The following CNTN3 variants were observed in gnomAD, a reference collection of about 807,000 sequenced individuals.
CNTN3 encodes the protein contactin 3.
CNTN3 carries 60 observed loss-of-function variants against 119.1 expected under a neutral mutation model. The observed-to-expected ratio is 0.50, with a 90% CI of 0.41 to 0.62. The LOEUF is 0.62. Among genes scored for constraint, CNTN3 ranks in the 20% least tolerant of loss-of-function variants. The probability of loss-of-function intolerance (pLI) is 0.00; values close to 1 mark genes in which losing one functional copy is unlikely to be tolerated. For synonymous variants in CNTN3, 450 were observed against 438.7 expected (o/e 1.03, Z -0.32); for missense variants, 1,101 against 1,242.4 (o/e 0.89, Z 1.71).
chr3:74,350,113 C>G (rs1703780135), intron 11 of CNTN3, among the ~76,000 whole-genome samples: 1 of 152,126 alleles, frequency 6.6e-6, no homozygotes, highest in Non-Finnish European at 1.5e-5. Context: ...GACCATGTGT[C>G]AGCAATCTGT....
chr3:74,391,311 T>TG (rs1704894417), intron 5 of CNTN3, among the ~76,000 whole-genome samples: 1 of 152,166 alleles, frequency 6.6e-6, no homozygotes, highest in South Asian at 2.1e-4. Flanking sequence ...TTTACTATGC[T>TG]GGGGGACAGT....
intron 3 of CNTN3, among the ~76,000 whole-genome samples, chr3:74,488,506 T>C (rs1006140854): frequency 2.0e-5 from 3 of 152,128 alleles, no homozygotes; most frequent in Non-Finnish European, 2.9e-5. Flanking sequence ...AAGAAGTAAT[T>C]ATATGGATGT....
chr3:74,398,861 G>A (rs1345374645), intron 5 of CNTN3, among the ~76,000 whole-genome samples: 1 of 152,048 alleles, frequency 6.6e-6, no homozygotes, highest in Non-Finnish European at 1.5e-5. Flanking sequence ...TTATCACGTG[G>A]TTAATTTTTT....
chr3:74,437,401 G>C lies in CNTN3; in HGVS notation c.359-12461C>G, dbSNP rs561858993. 5.2e-4 allele frequency among the ~76,000 whole-genome samples: 79 copies of C among 152,196 alleles called. 1 individual carries two copies. Among genetic ancestry groups the C allele is most frequent in the African/African-American group, 1.6e-3 (65 of 41,526 alleles). ...GGCGTGAATCCGGGAGGCAGAGCTT[G>C]CAGTGAGCCGAGATCGCACCACTGC... On this transcript the variant is annotated intron_variant, in intron 4 of 22. Coordinates refer to ENST00000263665, the MANE Select transcript of CNTN3 (RefSeq NM_020872.3).
intron 2 of CNTN3, among the ~76,000 whole-genome samples, chr3:74,501,316 A>G (rs201715548): frequency 2.0e-5 from 3 of 152,042 alleles, no homozygotes; most frequent in Non-Finnish European, 4.4e-5. Context: ...ATAAGGTCTC[A>G]ATAAATAACT....
intron 10 of CNTN3, 74 bp from the exon 11 acceptor site, chr3:74,362,114 T>C (rs1317722065): frequency 1.9e-6 from 3 of 1,546,642 alleles, no homozygotes; most frequent in African/African-American, 2.7e-5. Context: ...AGGTCCACTT[T>C]TACAGTTTTA....
chr3:74,473,428 A>G (rs1702600927), intron 4 of CNTN3, among the ~76,000 whole-genome samples: 1 of 152,326 alleles, frequency 6.6e-6, no homozygotes, highest in East Asian at 1.9e-4. Context: ...TAGTGCTTTT[A>G]TAAAATTTAA....
intron 20 of CNTN3, among the ~76,000 whole-genome samples, chr3:74,278,668 T>C (rs563575705): frequency 1.1e-4 from 16 of 152,066 alleles, no homozygotes; most frequent in African/African-American, 1.7e-4. Context: ...GAAGATAACA[T>C]TGGAAAAACG....
intron 4 of CNTN3, among the ~76,000 whole-genome samples, chr3:74,457,035 A>G (rs1213418427): frequency 6.6e-6 from 1 of 152,086 alleles, no homozygotes; most frequent in Non-Finnish European, 1.5e-5. Flanking sequence ...TAATGGTCAA[A>G]TTTATTTTAA....
intron 11 of CNTN3, among the ~76,000 whole-genome samples, chr3:74,358,084 T>A (rs1319834945): frequency 6.6e-6 from 1 of 152,194 alleles, no homozygotes; most frequent in African/African-American, 2.4e-5. Context: ...CCGCAACTTG[T>A]TCGATAATTG....
At position 74,476,950 on chromosome 3, in the gene CNTN3, G is replaced by A. The variant is rs998980181; in HGVS notation, c.358+9506C>T. Among the ~76,000 whole-genome samples the A allele has an allele frequency of 4.1e-4, 62 of 151,966 alleles. 1 individual carries two copies. The highest frequency in any genetic ancestry group is 1.8e-4 in the Non-Finnish European group (12 of 67,976). ...AAAGAGATAGAATAGATAACGAGAA[G>A]ATTCAAAATACACTCAAAAGGAAAA... is the stretch of plus-strand genomic sequence containing the variant. On this transcript the variant is annotated intron_variant, in intron 4 of 22. Transcript: ENST00000263665.
intron 20 of CNTN3, among the ~76,000 whole-genome samples, chr3:74,277,041 G>T (rs1041714987): frequency 2.0e-5 from 3 of 151,968 alleles, no homozygotes; most frequent in African/African-American, 4.8e-5. Context: ...AGAAGGGATG[G>T]GTAAATTCCT....
At chr3:74,382,014 G>T (rs1364054056) in intron 5 of CNTN3, among the ~76,000 whole-genome samples, 2 of 152,042 alleles carry the variant, frequency 1.3e-5, no homozygotes, top group African/African-American at 4.8e-5. Context: ...TTTGAGATCA[G>T]GCCAACCAAC....
chr3:74,381,602 C>T (rs1704626329), intron 5 of CNTN3, among the ~76,000 whole-genome samples: 3 of 152,084 alleles, frequency 2.0e-5, no homozygotes, highest in Admixed American at 1.3e-4. Flanking sequence ...TGTACTACCT[C>T]AGTAATAAAT....
intron 5 of CNTN3, among the ~76,000 whole-genome samples, chr3:74,386,883 A>G (rs1704760817): frequency 6.6e-6 from 1 of 152,162 alleles, no homozygotes; most frequent in African/African-American, 2.4e-5. Flanking sequence ...TATCCTGCAA[A>G]GGAGGATCAA....
chr3:74,499,760 T>C lies in CNTN3; in HGVS notation c.81A>G (p.Val27=). ...TGCTGTTGCTGGGTTCTTTGATAAA[T>C]ACAGGGCCTTGTAAGAGAAGCTCAC... is the stretch of plus-strand genomic sequence containing the variant. ...LGGELLLQGP[V]FIKEPSNSIF... is the part of the protein sequence containing the mutation. The change falls in exon 3 of 23, where the codon GTA becomes GTG. Residue 27 remains valine, a synonymous_variant. Coordinates refer to ENST00000263665, the MANE Select transcript of CNTN3 (RefSeq NM_020872.3). 12 of 1,608,524 alleles carry C rather than the reference T, an allele frequency of 7.5e-6. No individual in the cohort carries two copies. The highest frequency in any genetic ancestry group is 1.7e-5 in the Admixed American group (1 of 59,126).
rs80325225 is a variant in CNTN3, at chr3:74,521,887, T to A, written c.-80-695A>T. On this transcript the variant is annotated intron_variant, in intron 1 of 22. Coordinates refer to ENST00000263665, the MANE Select transcript of CNTN3 (RefSeq NM_020872.3). ...AAAACTAGTTAAGCTTCATGGTTAA[T>A]GATCAAGTATGCGCGATACACAGAC... Among the ~76,000 whole-genome samples, 260 of 151,976 alleles carry A rather than the reference T, an allele frequency of 1.7e-3. 4 individuals are homozygous for A. The East Asian group carries it at 0.045, about 27-fold the overall frequency.
chr3:74,566,712 T>C (rs903117114), intron 1 of CNTN3, among the ~76,000 whole-genome samples: 2 of 152,160 alleles, frequency 1.3e-5, no homozygotes, highest in South Asian at 2.1e-4. Context: ...AAAGAGTCTA[T>C]TTCCAAATAA....
intron 5 of CNTN3, among the ~76,000 whole-genome samples, chr3:74,383,444 T>C (rs1451028073): frequency 6.6e-6 from 1 of 152,176 alleles, no homozygotes; most frequent in East Asian, 1.9e-4. Context: ...CAAGGAATTC[T>C]ATAATACTAT....
Sources: gnomAD v4.1 joint callset for allele counts (sites outside exome capture counted in the v4.1 genomes callset) on GRCh38, gnomAD v4.1.1 for gene constraint, MANE v1.5 for transcripts, NCBI Gene and HGNC (gene_info 2026-07-23, HGNC 2026-07-21) for gene names.